COL5A2: variants seen among roughly 807,000 people sequenced by gnomAD.
COL5A2 encodes the protein collagen type V alpha 2 chain.
Under a neutral mutation model 208.2 loss-of-function variants are expected in COL5A2, and 23 were observed. The ratio of observed to expected loss-of-function variants is 0.11; its 90% CI spans 0.08 to 0.16. The LOEUF (loss-of-function observed/expected upper bound fraction) is 0.16, where lower values mean the gene tolerates loss of function less well. Among genes scored for constraint, COL5A2 ranks in the 10% least tolerant of loss-of-function variants. COL5A2 has a pLI of 1.00. For synonymous variants in COL5A2, 625 were observed against 628.5 expected (o/e 0.99, Z 0.08); for missense variants, 1,590 against 1,956.4 (o/e 0.81, Z 3.53).
chr2:189,173,258 G>A (rs1688609409), intron 1 of COL5A2, among the ~76,000 whole-genome samples: 1 of 152,062 alleles, frequency 6.6e-6, no homozygotes, highest in Admixed American at 6.6e-5. Context: ...ACAGGAGTGA[G>A]CCACACACCC....
At chr2:189,050,807 T>C (rs1685769648) in intron 42 of COL5A2, 131 bp from the exon 43 acceptor site, 3 of 729,462 alleles carry the variant, frequency 4.1e-6, no homozygotes, top group Non-Finnish European at 7.1e-6. Flanking sequence ...CTCAAAATCA[T>C]ACTGCATATG....
intron 52 of COL5A2, 38 bp downstream of exon 52, chr2:189,036,578 A>G (rs1452452761): frequency 7.9e-6 from 12 of 1,511,584 alleles, no homozygotes; most frequent in Non-Finnish European, 9.1e-7. Flanking sequence ...AGTAGTAAAA[A>G]GTAAAGAATA....
rs116320340 is a variant in COL5A2, at chr2:189,193,474, T to C, written c.-42+31674A>G. Among the ~76,000 whole-genome samples, 788 of 152,312 alleles carry C rather than the reference T, an allele frequency of 5.2e-3. 12 individuals carry two copies. Among genetic ancestry groups the C allele is most frequent in the African/African-American group, 0.018 (733 of 41,574 alleles). On this transcript the variant is annotated intron_variant, in intron 1 of 10. Transcript: ENST00000649966. ...ATATATAAACTATAAATGATCTTTG[T>C]TGATGGAACGGTGATAATGCAAAAA...
the COL5A2 span, among the ~76,000 whole-genome samples, chr2:189,401,027 A>G: frequency 7.1e-6 from 1 of 139,876 alleles, no homozygotes; most frequent in African/African-American, 2.6e-5. Flanking sequence ...TTTGGCCATC[A>G]CTTTCCTTGT....
At chr2:189,434,840 T>A in the COL5A2 span, among the ~76,000 whole-genome samples, 4 of 152,162 alleles carry the variant, frequency 2.6e-5, no homozygotes, top group Non-Finnish European at 2.9e-5. Flanking sequence ...AAAGTTCATA[T>A]GGAACCAAAA....
chr2:189,091,604 T>C (rs1456621699), intron 7 of COL5A2, among the ~76,000 whole-genome samples: 1 of 152,192 alleles, frequency 6.6e-6, no homozygotes, highest in Non-Finnish European at 1.5e-5. Context: ...GACATAATGC[T>C]ATTACACACT....
At chr2:189,347,058 G>T in the COL5A2 span, among the ~76,000 whole-genome samples, 1 of 152,118 alleles carries the variant, frequency 6.6e-6, no homozygotes, top group African/African-American at 2.4e-5. Flanking sequence ...ATAACTTCAA[G>T]TCTCACTCCA....
chr2:189,123,863 G>C (rs61130121), intron 1 of COL5A2, among the ~76,000 whole-genome samples: 22,655 of 152,042 alleles, frequency 0.15, 2,030 homozygotes, highest in Non-Finnish European at 0.2. Context: ...GTGAGTGGCA[G>C]AGCCAATATT....
chr2:189,343,776 A>T, the COL5A2 span, among the ~76,000 whole-genome samples: 2 of 152,150 alleles, frequency 1.3e-5, no homozygotes, highest in Non-Finnish European at 2.9e-5. Context: ...TTAAACTAAC[A>T]ACATTAAATT....
At chr2:189,093,300 C>T (rs1686827371) in intron 6 of COL5A2, among the ~76,000 whole-genome samples, 1 of 152,058 alleles carries the variant, frequency 6.6e-6, no homozygotes, top group Non-Finnish European at 1.5e-5. Flanking sequence ...AAAGAAAGGA[C>T]CAAAAAGTCA....
chr2:189,427,596 T>A, the COL5A2 span, among the ~76,000 whole-genome samples: 4 of 152,120 alleles, frequency 2.6e-5, no homozygotes. Context: ...GCCACAGACA[T>A]TCAATGCCAG....
intron 22 of COL5A2, 79 bp downstream of exon 22, chr2:189,066,650 T>A (rs1686157630): frequency 7.3e-7 from 1 of 1,366,470 alleles, no homozygotes; most frequent in South Asian, 1.2e-5. Flanking sequence ...CATTATTATT[T>A]TAAACCCTTG....
chr2:189,061,717 C>T, intron 29 of COL5A2, 102 bp from the exon 30 acceptor site: 1 of 896,718 alleles, frequency 1.1e-6, no homozygotes, highest in South Asian at 1.4e-5. Flanking sequence ...TGTATTTCTT[C>T]CAATCACATG....
At chr2:189,376,197 T>G in the COL5A2 span, among the ~76,000 whole-genome samples, 1 of 152,254 alleles carries the variant, frequency 6.6e-6, no homozygotes, top group Non-Finnish European at 1.5e-5. Context: ...TACTGGTATT[T>G]GAACACTTTC....
chr2:189,065,812 G>T (rs1686136030), intron 23 of COL5A2, among the ~76,000 whole-genome samples: 1 of 152,070 alleles, frequency 6.6e-6, no homozygotes, highest in South Asian at 2.1e-4. Flanking sequence ...GGTCCTTTCT[G>T]CCCTCCCAGC....
the COL5A2 span, among the ~76,000 whole-genome samples, chr2:189,356,247 G>A: frequency 1.3e-5 from 2 of 152,074 alleles, no homozygotes; most frequent in Non-Finnish European, 2.9e-5. Flanking sequence ...AGAATTATGT[G>A]TCTTGGGGTT....
intron 2 of COL5A2, among the ~76,000 whole-genome samples, chr2:189,108,759 T>C (rs1307392162): frequency 6.6e-6 from 1 of 151,950 alleles, no homozygotes; most frequent in Non-Finnish European, 1.5e-5. Context: ...CTTCTACATC[T>C]ATTATTTTTT....
intron 11 of COL5A2, among the ~76,000 whole-genome samples, chr2:189,084,513 T>C (rs1374747607): frequency 2.0e-5 from 3 of 152,188 alleles, no homozygotes; most frequent in Non-Finnish European, 2.9e-5. Flanking sequence ...TTTAAATAAA[T>C]CTTATGACTC....
At chr2:189,440,276 GAT>G in the COL5A2 span, among the ~76,000 whole-genome samples, 1 of 152,168 alleles carries the variant, frequency 6.6e-6, no homozygotes, top group African/African-American at 2.4e-5. Flanking sequence ...TAATGATGGG[GAT>G]ATGTTCTAAG....
Sources: allele counts gnomAD v4.1 joint callset (sites outside exome capture counted in the v4.1 genomes callset), GRCh38; gene constraint gnomAD v4.1.1; transcripts MANE v1.5; gene names NCBI Gene and HGNC (gene_info 2026-07-23, HGNC 2026-07-21).